Variants in PCDH15 observed in about 807,000 individuals in gnomAD.
PCDH15 encodes the protein protocadherin-15.
In PCDH15, 129 loss-of-function variants were observed where a neutral mutation model predicts 178.5. That is an observed-to-expected ratio of 0.72 (90% CI 0.63 to 0.84). The LOEUF (loss-of-function observed/expected upper bound fraction) is 0.84, where lower values mean the gene tolerates loss of function less well. Ranked by LOEUF, PCDH15 falls within the 40% of genes least tolerant of loss-of-function variation. PCDH15 has a pLI of 0.00. For synonymous variants in PCDH15, 800 were observed against 732.0 expected, an observed-to-expected ratio of 1.09 and a Z score of -1.50; for missense variants, 2,230 against 2,099.9, an observed-to-expected ratio of 1.06 and a Z score of -1.21.
At chr10:54,982,016 T>A (rs551205338) in intron 2 of PCDH15, among the ~76,000 whole-genome samples, 4 of 152,146 alleles carry the variant, frequency 2.6e-5, no homozygotes, top group Non-Finnish European at 5.9e-5. Context: ...GTAATCCTCA[T>A]GTCTTAGCCT....
chr10:54,842,760 T>C (rs553942507), intron 3 of PCDH15, among the ~76,000 whole-genome samples: 2 of 151,828 alleles, frequency 1.3e-5, no homozygotes, highest in East Asian at 3.9e-4. Flanking sequence ...TATTACCTCA[T>C]ATAAAAAAAT....
At chr10:54,758,784 A>G (rs940516371) in intron 1 of PCDH15, among the ~76,000 whole-genome samples, 2 of 152,226 alleles carry the variant, frequency 1.3e-5, no homozygotes, top group Admixed American at 1.3e-4. Context: ...ATGAATTAAC[A>G]TGTGTTATGT....
intron 3 of PCDH15, among the ~76,000 whole-genome samples, chr10:54,871,403 G>A (rs61854478): frequency 2.0e-5 from 3 of 147,922 alleles, no homozygotes; most frequent in Non-Finnish European, 4.5e-5. Context: ...AAAAAATGTG[G>A]TCTAGTACAG....
chr10:55,470,249 T>C (rs1839927312), intron 2 of PCDH15, among the ~76,000 whole-genome samples: 1 of 151,788 alleles, frequency 6.6e-6, no homozygotes, highest in South Asian at 2.1e-4. Flanking sequence ...ACTCGGAGGC[T>C]GAGGCAGAAT....
At chr10:54,546,390 T>C (rs1307067022) in intron 2 of PCDH15, among the ~76,000 whole-genome samples, 1 of 152,168 alleles carries the variant, frequency 6.6e-6, no homozygotes, top group Non-Finnish European at 1.5e-5. Flanking sequence ...TGTGAATATA[T>C]AAAGTCTTTT....
intron 3 of PCDH15, among the ~76,000 whole-genome samples, chr10:54,882,292 TAG>T (rs1363701280): frequency 6.6e-6 from 1 of 152,048 alleles, no homozygotes; most frequent in Non-Finnish European, 1.5e-5. Flanking sequence ...TATAGCCTGT[TAG>T]AGTTTCCCAT....
At chr10:54,153,979 C>T (rs1475517371) in intron 13 of PCDH15, among the ~76,000 whole-genome samples, 3 of 152,056 alleles carry the variant, frequency 2.0e-5, no homozygotes, top group Non-Finnish European at 2.9e-5. Context: ...AAAATCTATT[C>T]GGAGCCCTTG....
chr10:55,495,134 T>TA (rs1840503029), intron 2 of PCDH15, among the ~76,000 whole-genome samples: 2 of 151,742 alleles, frequency 1.3e-5, no homozygotes, highest in Admixed American at 6.6e-5. Context: ...ATGTATGAGT[T>TA]AAAACCACAA....
intron 2 of PCDH15, among the ~76,000 whole-genome samples, chr10:55,390,938 A>G (rs985310451): frequency 6.6e-6 from 1 of 152,194 alleles, no homozygotes; most frequent in African/African-American, 2.4e-5. Context: ...TTAAGACTTA[A>G]GGACCCTGGA....
chr10:55,534,266 A>G (rs12260102), intron 2 of PCDH15, among the ~76,000 whole-genome samples: 3,458 of 152,144 alleles, frequency 0.023, 132 homozygotes, highest in African/African-American at 0.077. Flanking sequence ...AAAAGAAACT[A>G]TCATAGAGTA....
chr10:54,617,660 G>A (rs905225827), intron 2 of PCDH15, among the ~76,000 whole-genome samples: 1 of 151,104 alleles, frequency 6.6e-6, no homozygotes, highest in African/African-American at 2.4e-5. Flanking sequence ...GGCCAGGCAC[G>A]GTGGCTCATG....
intron 2 of PCDH15, among the ~76,000 whole-genome samples, chr10:55,080,805 T>C (rs1208141536): frequency 6.6e-6 from 1 of 152,118 alleles, no homozygotes; most frequent in Non-Finnish European, 1.5e-5. Flanking sequence ...ACTTTCTACA[T>C]GTGAGCCAGA....
chr10:54,228,337 T>G (rs894406838), intron 9 of PCDH15, among the ~76,000 whole-genome samples: 1 of 152,018 alleles, frequency 6.6e-6, no homozygotes, highest in Non-Finnish European at 1.5e-5. Context: ...GCAGGGGAAC[T>G]CCTCTTTTTA....
intron 2 of PCDH15, chr10:54,656,128 C>A (rs1475683216): frequency 6.6e-6 from 1 of 151,982 alleles, no homozygotes; most frequent in Non-Finnish European, 1.5e-5. Flanking sequence ...TTGTTTATTT[C>A]TTTGTTTTTC....
chr10:54,946,464 GA>G (rs1288268002), intron 2 of PCDH15, among the ~76,000 whole-genome samples: 1 of 151,654 alleles, frequency 6.6e-6, no homozygotes, highest in African/African-American at 2.4e-5. Flanking sequence ...AATGAACAGA[GA>G]AAGAACAACA....
intron 3 of PCDH15, among the ~76,000 whole-genome samples, chr10:54,827,197 A>G (rs1269562408): frequency 6.6e-6 from 1 of 152,144 alleles, no homozygotes; most frequent in Non-Finnish European, 1.5e-5. Flanking sequence ...TAGCAATGAC[A>G]TTGATATGTC....
chr10:54,450,197 G>T (rs1052401346), intron 3 of PCDH15, among the ~76,000 whole-genome samples: 15 of 147,272 alleles, frequency 1.0e-4, no homozygotes, highest in African/African-American at 3.8e-4. Context: ...ACAACATGCA[G>T]GTTTGTTACA....
intron 3 of PCDH15, among the ~76,000 whole-genome samples, chr10:54,506,294 C>T (rs1308216565): frequency 6.6e-6 from 1 of 151,872 alleles, no homozygotes; most frequent in Non-Finnish European, 1.5e-5. Context: ...GCTTAAAAAT[C>T]GTTTCTATAT....
At chr10:54,681,063 T>C (rs2094890520) in intron 1 of PCDH15, among the ~76,000 whole-genome samples, 1 of 151,946 alleles carries the variant, frequency 6.6e-6, no homozygotes, top group African/African-American at 2.4e-5. Context: ...ATGCCAGCCA[T>C]GGATGAGAAA....
Sources: allele counts gnomAD v4.1 joint callset (sites outside exome capture counted in the v4.1 genomes callset), GRCh38; gene constraint gnomAD v4.1.1; transcripts MANE v1.5; gene names NCBI Gene and HGNC (gene_info 2026-07-23, HGNC 2026-07-21).